ADNP2: variants seen among roughly 807,000 people sequenced by gnomAD.
ADNP2 encodes activity-dependent neuroprotector homeobox protein 2.
A neutral mutation model predicts 16.4 loss-of-function variants in ADNP2; 8 were observed. The ratio of observed to expected loss-of-function variants is 0.49; its 90% CI spans 0.29 to 0.88. The LOEUF (loss-of-function observed/expected upper bound fraction) is 0.88, where lower values mean the gene tolerates loss of function less well. Ranked by LOEUF, ADNP2 falls within the 40% of genes least tolerant of loss-of-function variation. The probability of loss-of-function intolerance (pLI) is 0.09; values close to 1 mark genes in which losing one functional copy is unlikely to be tolerated. For synonymous variants in ADNP2, 637 were observed against 545.8 expected (o/e 1.17, Z -2.33); for missense variants, 1,397 against 1,395.1 (o/e 1.00, Z -0.02).
chr18:80,137,889 A>C lies in ADNP2; in HGVS notation c.2476A>C (p.Ile826Leu). ...GNLLFPHLDF[I>L]TILPKEKLGE... Reference sequence around the variant, plus strand: ...CCTGCTCTTTCCCCACCTTGATTTCATCACCATATTGCCAAAGGAGAAGCT... The same window carrying C: ...CCTGCTCTTTCCCCACCTTGATTTCCTCACCATATTGCCAAAGGAGAAGCT... Residue 826 changes from isoleucine (I) to leucine (L), a missense_variant, in exon 4 of 4, where the codon ATC becomes CTC. Ile to Leu is a conservative substitution (Grantham distance 5). Around this residue, in one of 3 missense-constraint regions of ADNP2, gnomAD observed 611 missense variants for 648.7 expected, o/e 0.94. Transcript: ENST00000262198. This position sits in a 1 kb window ranked among gnomAD's most constrained non-coding sequence, Gnocchi z 4.2. The C allele has an allele frequency of 6.2e-7, 1 of 1,614,056 alleles. No homozygotes were observed. The highest frequency in any genetic ancestry group is 8.5e-7 in the Non-Finnish European group (1 of 1,180,028).
At chr18:80,120,799 C>T (rs1328847021) in intron 2 of ADNP2, among the ~76,000 whole-genome samples, 2 of 152,090 alleles carry the variant, frequency 1.3e-5, no homozygotes, top group African/African-American at 2.4e-5. Flanking sequence ...GGATTACAGG[C>T]ACGTACCACC....
chr18:80,137,253 A>C lies in ADNP2; in HGVS notation c.1840A>C (p.Thr614Pro). Residue 614 changes from threonine to proline, a missense_variant, in exon 4 of 4, where the codon ACC becomes CCC. This residue lies in a region of ADNP2 where 611 missense variants were observed against 648.7 expected (regional missense o/e 0.94). Coordinates refer to ENST00000262198, the MANE Select transcript of ADNP2 (RefSeq NM_014913.4). This position sits in a 1 kb window ranked among gnomAD's most constrained non-coding sequence, Gnocchi z 4.2. ...PTGKQVNGIP[T>P]YTLAPVSVTL... ...AGGGAAACAAGTGAATGGGATTCCA[A>C]CCTACACGCTGGCCCCCGTGTCTGT... The C allele has an allele frequency of 6.2e-7, 1 of 1,614,056 alleles. No homozygotes were observed. The highest frequency in any genetic ancestry group is 8.5e-7 in the Non-Finnish European group (1 of 1,180,018).
At chr18:80,121,902 C>T (rs1258335030) in intron 2 of ADNP2, among the ~76,000 whole-genome samples, 15 of 152,024 alleles carry the variant, frequency 9.9e-5, no homozygotes, top group Non-Finnish European at 1.5e-5. Flanking sequence ...ATATGTCTAT[C>T]CTTATAACAA....
chr18:80,110,294 G>A (rs1177223680), intron 1 of ADNP2, among the ~76,000 whole-genome samples: 1 of 152,196 alleles, frequency 6.6e-6, no homozygotes, highest in Non-Finnish European at 1.5e-5. Flanking sequence ...TGCAGAATGA[G>A]AAATAATTAG....
chr18:80,136,620 C>G lies in ADNP2; in HGVS notation c.1207C>G (p.Leu403Val). 6.2e-7 allele frequency: 1 copy of G among 1,614,162 alleles called. No homozygotes were observed. The highest frequency in any genetic ancestry group is 8.5e-7 in the Non-Finnish European group (1 of 1,180,024). ...GACTGTTCGCCCTGGGGTTTTACCC[C>G]TCACCCAGCCTGTGGGACCCATAAA... ...NQTVRPGVLP[L>V]TQPVGPINRP... is the part of the protein sequence containing the mutation. Residue 403 changes from leucine (L) to valine (V), a missense_variant, in exon 4 of 4, where the codon CTC (leucine) becomes GTC (valine). Around this residue, in one of 3 missense-constraint regions of ADNP2, gnomAD observed 777 missense variants for 719.4 expected, o/e 1.08. Transcript: ENST00000262198.
rs1353998269 is a variant in ADNP2, at chr18:80,136,410, C to G, written c.997C>G (p.Leu333Val). The G allele has an allele frequency of 2.5e-6, 4 of 1,614,122 alleles. No homozygotes were observed. The highest frequency in any genetic ancestry group is 3.4e-6 in the Non-Finnish European group (4 of 1,180,048). Residue 333 changes from leucine (L) to valine (V), a missense_variant, in exon 4 of 4, where the codon CTG (leucine) becomes GTG (valine). Physicochemically the swap from Leu to Val is conservative, Grantham distance 32. Transcript: ENST00000262198. ...TGCTGCTGGCCAATCCCACATGACT[C>G]TGGTCTCCAGCCCTCTGCCTGTGGG... Reference protein sequence around the residue: ...PPAAGQSHMTLVSSPLPVGQN... With the variant: ...PPAAGQSHMTVVSSPLPVGQN...
At chr18:80,116,506 G>C (rs1443085717) in intron 1 of ADNP2, among the ~76,000 whole-genome samples, 1 of 144,554 alleles carries the variant, frequency 6.9e-6, no homozygotes, top group East Asian at 2.6e-4. Flanking sequence ...AGGAATGTAT[G>C]AGAGTTCCAA....
rs917864609 is a variant in ADNP2, at chr18:80,137,101, G to C, written c.1688G>C (p.Gly563Ala). 3 of 1,614,062 alleles carry C rather than the reference G, an allele frequency of 1.9e-6. No individual in the cohort carries two copies. Among genetic ancestry groups the C allele is most frequent in the African/African-American group, 2.7e-5 (2 of 74,914 alleles). ...VLPVGQPVRP[G>A]VLQLNQTVGT... ...CCTGTGGGCCAGCCAGTGAGGCCTGGGGTCTTGCAACTCAACCAGACTGTG... is the reference window on the plus strand; with the variant it reads ...CCTGTGGGCCAGCCAGTGAGGCCTGCGGTCTTGCAACTCAACCAGACTGTG... Residue 563 changes from glycine to alanine, a missense_variant, in exon 4 of 4, where the codon GGG becomes GCG. By Grantham distance (60) the Gly-to-Ala change is moderately conservative (BLOSUM62 0). This residue lies in a region of ADNP2 where 777 missense variants were observed against 719.4 expected (regional missense o/e 1.08). Coordinates refer to ENST00000262198, the MANE Select transcript of ADNP2 (RefSeq NM_014913.4). This position sits in a 1 kb window ranked among gnomAD's most constrained non-coding sequence, Gnocchi z 4.2.
At position 80,137,494 on chromosome 18, in the gene ADNP2, A is replaced by C. The variant is rs1169715073; in HGVS notation, c.2081A>C (p.Lys694Thr). The change falls in exon 4 of 4, where the codon AAG (lysine) becomes ACG (threonine). Residue 694 changes from lysine to threonine, a missense_variant. Physicochemically the swap from Lys to Thr is moderately conservative, Grantham distance 78 (BLOSUM62 -1). Transcript: ENST00000262198. This position sits in a 1 kb window ranked among gnomAD's most constrained non-coding sequence, Gnocchi z 4.2. ...GTGCTCAAACAGGCCAAGCAGTGGA[A>C]GACCTGCCCTGTCTGCAACGAGCTC... ...NQVLKQAKQW[K>T]TCPVCNELFP... 6.2e-7 allele frequency: 1 copy of C among 1,614,126 alleles called. No homozygotes were observed. Among genetic ancestry groups the C allele is most frequent in the Admixed American group, 1.7e-5 (1 of 60,012 alleles).
Position 80,137,056 on chromosome 18 carries a change from C to CTG in ADNP2, c.1645_1646dup (p.Val550LeufsTer12). On this transcript the variant is annotated frameshift_variant, in exon 4 of 4. Transcript: ENST00000262198. LOFTEE classifies it low-confidence loss of function (END_TRUNC). The surrounding 1 kb of genome is among the most constrained non-coding windows in gnomAD (Gnocchi z 4.2). ...TCTGGTGTTCTGCAGCTTAGTCAGC[C>CTG]TGTTGTGTCGGGAGTTCTTCCTGTG... The CTG allele has an allele frequency of 6.2e-7, 1 of 1,614,098 alleles. No individual in the cohort carries two copies. Among genetic ancestry groups the CTG allele is most frequent in the South Asian group, 1.1e-5 (1 of 91,074 alleles).
intron 1 of ADNP2, among the ~76,000 whole-genome samples, chr18:80,115,987 A>G (rs376534257): frequency 7.3e-5 from 11 of 151,176 alleles, no homozygotes; most frequent in South Asian, 4.2e-4. Flanking sequence ...CTGGTCTTGA[A>G]CTCCTGACCT....
Position 80,135,906 on chromosome 18 carries a change from A to C in ADNP2, c.493A>C (p.Thr165Pro). Reference sequence around the variant, plus strand: ...ATGTCTAAAATGTAACTTTTCAAACACTTTGTACTACAGCATGAAGAAGCA... The same window carrying C: ...ATGTCTAAAATGTAACTTTTCAAACCCTTTGTACTACAGCATGAAGAAGCA... The part of the protein sequence containing the change: ...FTCLKCNFSN[T>P]LYYSMKKHVL... Residue 165 changes from threonine to proline, a missense_variant, in exon 4 of 4, where the codon ACT becomes CCT. Physicochemically the swap from Thr to Pro is conservative, Grantham distance 38. Transcript: ENST00000262198. 6.2e-7 allele frequency: 1 copy of C among 1,614,188 alleles called. No homozygotes were observed. Among genetic ancestry groups the C allele is most frequent in the South Asian group, 1.1e-5 (1 of 91,086 alleles).
At chr18:80,117,125 T>C (rs532024680) in intron 1 of ADNP2, among the ~76,000 whole-genome samples, 10 of 152,366 alleles carry the variant, frequency 6.6e-5, no homozygotes, top group Non-Finnish European at 1.0e-4. Flanking sequence ...TCTCCCGTTT[T>C]GTGGGTTTTT....
chr18:80,122,605 A>C (rs2052431838), intron 2 of ADNP2, among the ~76,000 whole-genome samples: 1 of 152,246 alleles, frequency 6.6e-6, no homozygotes, highest in Admixed American at 6.5e-5. Flanking sequence ...AATTGTGTTC[A>C]TAATTTCCTG....
Position 80,137,967 on chromosome 18 carries a change from C to G in ADNP2, c.2554C>G (p.Leu852Val), listed in dbSNP as rs770021655. ...AILAGIHSKS[L>V]VPVYVKVRPQ... ...CCTGGCTGGGATACACTCCAAGTCA[C>G]TGGTGCCTGTGTATGTGAAGGTGAG... Residue 852 changes from leucine (L) to valine (V), a missense_variant, in exon 4 of 4, where the codon CTG becomes GTG. By Grantham distance (32) the Leu-to-Val change is conservative. Transcript: ENST00000262198. This position sits in a 1 kb window ranked among gnomAD's most constrained non-coding sequence, Gnocchi z 4.2. 1.2e-6 allele frequency: 2 copies of G among 1,613,172 alleles called. No homozygotes were observed. The highest frequency in any genetic ancestry group is 2.2e-5 in the East Asian group (1 of 44,882).
In ADNP2 at chr18:80,138,329, C is replaced by T. The variant is rs1436075654; in HGVS notation, c.2916C>T (p.Ser972=). ...LLVSGEVMHD[S]SFSVKRKLPD... ...TCAGTGGTGAAGTGATGCATGATTCCAGTTTTTCTGTTAAGAGAAAGCTGC... is the reference window on the plus strand; with the variant it reads ...TCAGTGGTGAAGTGATGCATGATTCTAGTTTTTCTGTTAAGAGAAAGCTGC... Residue 972 remains serine, a synonymous_variant, in exon 4 of 4, where the codon TCC becomes TCT. Coordinates refer to ENST00000262198, the MANE Select transcript of ADNP2 (RefSeq NM_014913.4). The T allele has an allele frequency of 6.2e-7, 1 of 1,614,122 alleles. No individual in the cohort carries two copies. Among genetic ancestry groups the T allele is most frequent in the South Asian group, 1.1e-5 (1 of 91,088 alleles).
At chr18:80,118,056 A>T (rs1244143987) in intron 2 of ADNP2, among the ~76,000 whole-genome samples, 1 of 152,106 alleles carries the variant, frequency 6.6e-6, no homozygotes, top group Non-Finnish European at 1.5e-5. Context: ...AGTTTTCCTA[A>T]AATTTTGTCT....
At chr18:80,128,045 A>G (rs2052472006) in intron 2 of ADNP2, among the ~76,000 whole-genome samples, 2 of 152,206 alleles carry the variant, frequency 1.3e-5, no homozygotes, top group Non-Finnish European at 2.9e-5. Context: ...TCTTTTGTCT[A>G]TTTTGAAATA....
intron 2 of ADNP2, among the ~76,000 whole-genome samples, chr18:80,121,704 T>C (rs1031272628): frequency 6.6e-6 from 1 of 152,236 alleles, no homozygotes; most frequent in African/African-American, 2.4e-5. Context: ...GAGTTAATTC[T>C]TATATATTGT....
Sources: gnomAD v4.1 joint callset for allele counts (sites outside exome capture counted in the v4.1 genomes callset) on GRCh38, gnomAD v4.1.1 for gene constraint, gnomAD v4.1.1 regional missense constraint, Gnocchi (gnomAD v3.1) non-coding constraint, MANE v1.5 for transcripts, NCBI Gene and HGNC (gene_info 2026-07-23, HGNC 2026-07-21) for gene names.